The following PTPRA variants were observed in gnomAD, a reference collection of about 807,000 sequenced individuals.
PTPRA encodes receptor-type tyrosine-protein phosphatase alpha.
Under a neutral mutation model 104.8 loss-of-function variants are expected in PTPRA, and 25 were observed. The ratio of observed to expected loss-of-function variants is 0.24; its 90% CI spans 0.17 to 0.33. The LOEUF (loss-of-function observed/expected upper bound fraction) is 0.33, where lower values mean the gene tolerates loss of function less well. Among genes scored for constraint, PTPRA ranks in the 10% least tolerant of loss-of-function variants. PTPRA has a pLI of 1.00. For synonymous variants in PTPRA, 323 were observed against 368.9 expected (o/e 0.88, Z 1.43); for missense variants, 765 against 1,015.3 (o/e 0.75, Z 3.35).
intron 17 of PTPRA, among the ~76,000 whole-genome samples, chr20:3,026,007 G>A (rs552864059): frequency 1.9e-4 from 29 of 150,724 alleles, no homozygotes; most frequent in African/African-American, 5.4e-4. Context: ...GTGCAATGGC[G>A]CGATCTCAGC....
rs1160636992 is a variant in PTPRA at position 2,950,968 on chromosome 20, C to A, written c.-7+2944C>A. ...AATCACTGCCTCTTGCCCCTGCCCACTCCCTCATCCTTAAGCAACCATTGG... is the reference window on the plus strand; with the variant it reads ...AATCACTGCCTCTTGCCCCTGCCCAATCCCTCATCCTTAAGCAACCATTGG... On this transcript the variant is annotated intron_variant, in intron 3 of 23. Coordinates refer to ENST00000399903, the MANE Select transcript of PTPRA (RefSeq NM_001385305.1). The surrounding 1 kb of genome is among the most constrained non-coding windows in gnomAD (Gnocchi z 4.0). Among the ~76,000 whole-genome samples, 1 of 152,186 alleles carries A rather than the reference C, an allele frequency of 6.6e-6. No homozygotes were observed. The highest frequency in any genetic ancestry group is 2.4e-5 in the African/African-American group (1 of 41,452).
intron 5 of PTPRA, among the ~76,000 whole-genome samples, chr20:2,974,748 G>T (rs2062358066): frequency 6.6e-6 from 1 of 152,072 alleles, no homozygotes; most frequent in Non-Finnish European, 1.5e-5. Context: ...TAATTTTATT[G>T]CATTGGGACA....
At chr20:2,889,168 A>G (rs138144650) in intron 1 of PTPRA, among the ~76,000 whole-genome samples, 61 of 152,356 alleles carry the variant, frequency 4.0e-4, no homozygotes, top group African/African-American at 1.4e-3. Flanking sequence ...CATGTATTAA[A>G]GTGGTAAATT....
chr20:2,973,451 G>C (rs1386301759), intron 5 of PTPRA, among the ~76,000 whole-genome samples: 1 of 152,162 alleles, frequency 6.6e-6, no homozygotes, highest in African/African-American at 2.4e-5. Flanking sequence ...CTCTGACAAA[G>C]ATACCAAAAT....
rs2058751641 is a variant in PTPRA, at chr20:2,890,436, G to GTTT, written c.-129+16677_-129+16679dup. 2.0e-5 allele frequency among the ~76,000 whole-genome samples: 3 copies of GTTT among 152,110 alleles called. No individual in the cohort carries two copies. In the South Asian group the frequency reaches 6.2e-4, roughly 32 times the overall value. On this transcript the variant is annotated intron_variant, in intron 1 of 23. Coordinates refer to ENST00000399903, the MANE Select transcript of PTPRA (RefSeq NM_001385305.1). ...TTCAGCTGTAGTACTCTATGTATTTGTTTGTTTTAAGCATTAGATAGTGCG... is the reference window on the plus strand; with the variant it reads ...TTCAGCTGTAGTACTCTATGTATTTGTTTTTTGTTTTAAGCATTAGATAGTGCG...
In PTPRA at chr20:2,873,966, C is replaced by G. The variant is rs1051594436; in HGVS notation, c.-129+206C>G. Among the ~76,000 whole-genome samples the G allele has an allele frequency of 2.0e-4, 30 of 152,308 alleles. No individual in the cohort carries two copies. The highest frequency in any genetic ancestry group is 3.5e-4 in the Non-Finnish European group (24 of 68,022). On this transcript the variant is annotated intron_variant, in intron 1 of 23. Coordinates refer to ENST00000399903, the MANE Select transcript of PTPRA (RefSeq NM_001385305.1). This position sits in a 1 kb window ranked among gnomAD's most constrained non-coding sequence, Gnocchi z 4.4. Reference sequence around the variant, plus strand: ...GGGGAGGGGGTCCCCGGAAACGTGCCGGCCCGAGTGCCGACCCCTCGCGAC... The same window carrying G: ...GGGGAGGGGGTCCCCGGAAACGTGCGGGCCCGAGTGCCGACCCCTCGCGAC...
chr20:2,951,225 G>A (rs996227414), intron 3 of PTPRA, among the ~76,000 whole-genome samples: 2 of 152,028 alleles, frequency 1.3e-5, no homozygotes, highest in South Asian at 2.1e-4. Context: ...TCTGCCTCCC[G>A]AGTAGCTGGG....
chr20:2,903,702 A>G (rs1166312943), intron 1 of PTPRA, among the ~76,000 whole-genome samples: 2 of 152,140 alleles, frequency 1.3e-5, no homozygotes, highest in Non-Finnish European at 2.9e-5. Flanking sequence ...AAAAGAAAGA[A>G]TTATTGATGG....
upstream of PTPRA, among the ~76,000 whole-genome samples, chr20:2,869,958 A>G (rs947745732): frequency 6.6e-6 from 1 of 151,608 alleles, no homozygotes; most frequent in African/African-American, 2.4e-5. Context: ...CTGGGCAATG[A>G]GTGAAACTCT....
chr20:2,886,851 T>G (rs1280474313), intron 1 of PTPRA, among the ~76,000 whole-genome samples: 6 of 146,008 alleles, frequency 4.1e-5, no homozygotes, highest in African/African-American at 1.3e-4. Flanking sequence ...AGTGAAACTC[T>G]GTCTCAAAAA....
At chr20:2,901,211 C>T (rs2059223791) in intron 1 of PTPRA, among the ~76,000 whole-genome samples, 1 of 152,138 alleles carries the variant, frequency 6.6e-6, no homozygotes, top group Admixed American at 6.5e-5. Flanking sequence ...CCTTGTGATC[C>T]ACCTGCTTCG....
intron 3 of PTPRA, among the ~76,000 whole-genome samples, chr20:2,948,650 T>G (rs947971645): frequency 6.6e-6 from 1 of 152,144 alleles, no homozygotes; most frequent in Non-Finnish European, 1.5e-5. Context: ...ACCAGTATTA[T>G]TCTTAATACT....
intron 1 of PTPRA, among the ~76,000 whole-genome samples, chr20:2,878,211 T>A (rs113774868): frequency 1.2e-4 from 17 of 146,534 alleles, no homozygotes; most frequent in African/African-American, 4.1e-4. Flanking sequence ...TAGTTTTTTT[T>A]AAATTTGTTT....
At chr20:2,949,323 A>AT (rs1470869405) in intron 3 of PTPRA, among the ~76,000 whole-genome samples, 2 of 143,602 alleles carry the variant, frequency 1.4e-5, no homozygotes, top group African/African-American at 2.6e-5. Context: ...TTTTTTTTTA[A>AT]TTTTTTTATT....
intron 3 of PTPRA, 116 bp from the exon 4 acceptor site, chr20:2,964,156 A>G: frequency 1.2e-6 from 1 of 820,584 alleles, no homozygotes; most frequent in Non-Finnish European, 2.0e-6. Flanking sequence ...CCAAAAGATC[A>G]TTGGTTTAGG....
intron 3 of PTPRA, among the ~76,000 whole-genome samples, chr20:2,952,106 G>A (rs908946470): frequency 2.7e-5 from 4 of 150,436 alleles, no homozygotes; most frequent in Admixed American, 6.6e-5. Context: ...GTGACAGAGC[G>A]AGACTCCATC....
chr20:3,032,976 A>G (rs976887829), intron 20 of PTPRA, among the ~76,000 whole-genome samples: 3 of 151,722 alleles, frequency 2.0e-5, no homozygotes, highest in African/African-American at 7.2e-5. Context: ...CTTCCTCAGA[A>G]CACTTACTTC....
At chr20:2,912,027 G>A (rs542867660) in intron 1 of PTPRA, among the ~76,000 whole-genome samples, 1 of 152,160 alleles carries the variant, frequency 6.6e-6, no homozygotes, top group East Asian at 1.9e-4. Flanking sequence ...CAGATCACTT[G>A]AGCCCAGGAG....
chr20:2,925,127 C>T (rs1370774993), intron 2 of PTPRA, among the ~76,000 whole-genome samples: 1 of 152,154 alleles, frequency 6.6e-6, no homozygotes, highest in Non-Finnish European at 1.5e-5. Flanking sequence ...TCACCACTGT[C>T]CATCTCCAAA....
Sources: allele counts gnomAD v4.1 joint callset (sites outside exome capture counted in the v4.1 genomes callset), GRCh38; gene constraint gnomAD v4.1.1; non-coding constraint Gnocchi (gnomAD v3.1); transcripts MANE v1.5; gene names NCBI Gene and HGNC (gene_info 2026-07-23, HGNC 2026-07-21).